C8A: variants seen among roughly 807,000 people sequenced by gnomAD.
C8A encodes the protein complement C8 alpha chain.
Under a neutral mutation model 65.3 loss-of-function variants are expected in C8A, and 67 were observed. The ratio of observed to expected loss-of-function variants is 1.03; its 90% CI spans 0.84 to 1.26. The LOEUF (loss-of-function observed/expected upper bound fraction) is 1.26. Ranked by LOEUF, C8A falls within the 50% of genes most tolerant of loss-of-function variation. C8A has a pLI of 0.00. For synonymous variants in C8A, 290 were observed against 259.4 expected (o/e 1.12, Z -1.13); for missense variants, 781 against 723.9 (o/e 1.08, Z -0.90).
intron 2 of C8A, among the ~76,000 whole-genome samples, chr1:56,874,339 C>T (rs1353431167): frequency 6.6e-6 from 1 of 152,162 alleles, no homozygotes; most frequent in African/African-American, 2.4e-5. Context: ...CCTTTCCCAC[C>T]TTAACTATAG....
In C8A at chr1:56,917,704, G is replaced by T. The variant is rs1342439; in HGVS notation, c.1743G>T (p.Thr581=). 3.6e-3 allele frequency: 5,798 copies of T among 1,614,122 alleles called. 199 individuals are homozygous for T. The African/African-American group carries it at 0.069, about 19-fold the overall frequency. Residue 581 remains threonine, a synonymous_variant, in exon 11 of 11, where the codon ACG becomes ACT. Coordinates refer to ENST00000361249, the MANE Select transcript of C8A (RefSeq NM_000562.3). ...GASCPGRKVQ[T]QAC ...CGTGTCCAGGGCGGAAAGTACAGAC[G>T]CAGGCTTGCTGAGGGCCTCTGGACA...
chr1:56,859,930 G>A (rs530409818), intron 1 of C8A, among the ~76,000 whole-genome samples: 3 of 152,128 alleles, frequency 2.0e-5, no homozygotes, highest in Non-Finnish European at 4.4e-5. Flanking sequence ...GGGCATGGTG[G>A]CACATGCCTG....
intron 5 of C8A, among the ~76,000 whole-genome samples, chr1:56,883,162 A>G (rs1043131571): frequency 6.6e-6 from 1 of 152,198 alleles, no homozygotes; most frequent in African/African-American, 2.4e-5. Context: ...TGGAAGGATA[A>G]GCCAGCAAGA....
At chr1:56,877,032 G>A (rs1644204962) in intron 4 of C8A, among the ~76,000 whole-genome samples, 1 of 152,138 alleles carries the variant, frequency 6.6e-6, no homozygotes, top group African/African-American at 2.4e-5. Flanking sequence ...TAATTCAAGA[G>A]GACTGGTGGC....
At chr1:56,912,771 C>A (rs1644519992) in intron 10 of C8A, 146 bp downstream of exon 10, 2 of 727,566 alleles carry the variant, frequency 2.7e-6, no homozygotes, top group African/African-American at 1.8e-5. Context: ...CTGTTACTCA[C>A]CCATCACATT....
chr1:56,884,086 AT>A (rs1033301488), intron 6 of C8A, among the ~76,000 whole-genome samples: 2 of 148,558 alleles, frequency 1.3e-5, no homozygotes, highest in African/African-American at 2.6e-5. Flanking sequence ...AAAAAAAAAA[AT>A]TTCATTTTTC....
intron 1 of C8A, among the ~76,000 whole-genome samples, chr1:56,864,109 G>A (rs1335963643): frequency 6.6e-6 from 1 of 152,130 alleles, no homozygotes; most frequent in Admixed American, 6.5e-5. Flanking sequence ...TAAGAATTGA[G>A]AAAATGTGCA....
intron 7 of C8A, among the ~76,000 whole-genome samples, chr1:56,900,971 T>C (rs1181590713): frequency 2.0e-5 from 3 of 152,232 alleles, no homozygotes; most frequent in African/African-American, 7.2e-5. Flanking sequence ...AAAGGCTGTC[T>C]GGAGCTCAGT....
chr1:56,895,169 T>TATGTGA (rs1336363619), intron 7 of C8A, among the ~76,000 whole-genome samples: 1 of 152,166 alleles, frequency 6.6e-6, no homozygotes, highest in Non-Finnish European at 1.5e-5. Context: ...TTCCAAGTAC[T>TATGTGA]CATCCCTTTT....
At chr1:56,885,794 C>T in intron 6 of C8A, 133 bp from the exon 7 acceptor site, 1 of 1,210,584 alleles carries the variant, frequency 8.3e-7, no homozygotes, top group Non-Finnish European at 1.2e-6. Flanking sequence ...TTGTGATCCT[C>T]CAGCTTCTGC....
At chr1:56,872,959 G>T (rs1254420940) in intron 2 of C8A, among the ~76,000 whole-genome samples, 1 of 151,992 alleles carries the variant, frequency 6.6e-6, no homozygotes, top group Non-Finnish European at 1.5e-5. Context: ...TCCTTTATTT[G>T]CTGTGCTGAG....
chr1:56,915,399 A>G (rs1340276589), intron 10 of C8A, among the ~76,000 whole-genome samples: 1 of 152,178 alleles, frequency 6.6e-6, no homozygotes, highest in Non-Finnish European at 1.5e-5. Flanking sequence ...GTGAACTGGA[A>G]AAAAGGCACT....
At position 56,866,906 on chromosome 1, in the gene C8A, A is replaced by T. The variant is rs188224222; in HGVS notation, c.78-703A>T. ...AGGCAGTAGCATGATGAGGAGCAGG[A>T]AATGGGTTTTGCCATCAAACCAACT... is the stretch of plus-strand genomic sequence containing the variant. On this transcript the variant is annotated intron_variant, in intron 1 of 10. Coordinates refer to ENST00000361249, the MANE Select transcript of C8A (RefSeq NM_000562.3). Among the ~76,000 whole-genome samples the T allele has an allele frequency of 2.4e-3, 359 of 152,322 alleles. 1 individual carries two copies. The highest frequency in any genetic ancestry group is 7.9e-3 in the African/African-American group (328 of 41,576).
chr1:56,879,902 G>A (rs1644234384), intron 4 of C8A, among the ~76,000 whole-genome samples: 1 of 152,042 alleles, frequency 6.6e-6, no homozygotes, highest in African/African-American at 2.4e-5. Context: ...CTCCTTTCCT[G>A]CCTTGTGCCT....
intron 2 of C8A, among the ~76,000 whole-genome samples, 177 bp from the exon 3 acceptor site, chr1:56,874,772 C>T (rs922964848): frequency 1.3e-5 from 2 of 152,290 alleles, no homozygotes; most frequent in South Asian, 4.1e-4. Flanking sequence ...AGTGATTGTG[C>T]CACTTCTGGT....
chr1:56,899,642 C>T (rs559579687), intron 7 of C8A, among the ~76,000 whole-genome samples: 19 of 152,284 alleles, frequency 1.2e-4, no homozygotes, highest in Non-Finnish European at 2.8e-4. Context: ...TTAAGAAAAC[C>T]TGATTTTACA....
intron 9 of C8A, among the ~76,000 whole-genome samples, chr1:56,910,402 C>A (rs1644496477): frequency 6.6e-6 from 1 of 152,226 alleles, no homozygotes; most frequent in Non-Finnish European, 1.5e-5. Flanking sequence ...CAAGATCCCT[C>A]TTCTCCACCT....
intron 9 of C8A, among the ~76,000 whole-genome samples, chr1:56,909,864 A>AT (rs1644492638): frequency 6.6e-6 from 1 of 152,186 alleles, no homozygotes; most frequent in African/African-American, 2.4e-5. Context: ...GTTCAGCACA[A>AT]TATCTCGAAA....
At chr1:56,890,212 C>T (rs985707975) in intron 7 of C8A, among the ~76,000 whole-genome samples, 2 of 152,136 alleles carry the variant, frequency 1.3e-5, no homozygotes, top group African/African-American at 4.8e-5. Context: ...CCAATGCTCT[C>T]TTCCCTGTCT....
Sources: gnomAD v4.1 joint callset for allele counts (sites outside exome capture counted in the v4.1 genomes callset) on GRCh38, gnomAD v4.1.1 for gene constraint, MANE v1.5 for transcripts, NCBI Gene and HGNC (gene_info 2026-07-23, HGNC 2026-07-21) for gene names.